MITF: variants seen among roughly 807,000 people sequenced by gnomAD.
MITF encodes the protein melanocyte inducing transcription factor.
A neutral mutation model predicts 60.5 loss-of-function variants in MITF; 17 were observed. The observed-to-expected ratio is 0.28, with a 90% confidence interval of 0.19 to 0.42. The LOEUF (loss-of-function observed/expected upper bound fraction) is 0.42, where lower values mean the gene tolerates loss of function less well. Ranked by LOEUF, MITF falls within the 10% of genes least tolerant of loss-of-function variation. The pLI is 1.00. For missense variants in MITF, 622 were observed against 683.5 expected (o/e 0.91, Z 1.00); for synonymous variants, 260 against 248.5 (o/e 1.05, Z -0.43).
At chr3:69,813,849 A>T (rs947895518) in intron 1 of MITF, among the ~76,000 whole-genome samples, 3 of 152,224 alleles carry the variant, frequency 2.0e-5, no homozygotes, top group African/African-American at 7.2e-5. Flanking sequence ...GGACTTAACT[A>T]GGCAATGAAA....
At chr3:69,872,282 T>C (rs758023148) in intron 1 of MITF, among the ~76,000 whole-genome samples, 2 of 152,098 alleles carry the variant, frequency 1.3e-5, no homozygotes, top group Non-Finnish European at 2.9e-5. Context: ...TTGATATTCC[T>C]CTTAGTTGGA....
At chr3:69,794,894 A>G (rs2062803453) in intron 1 of MITF, among the ~76,000 whole-genome samples, 1 of 152,248 alleles carries the variant, frequency 6.6e-6, no homozygotes, top group African/African-American at 2.4e-5. Flanking sequence ...TTTTAGTCTA[A>G]CAGTATAGCT....
intron 1 of MITF, among the ~76,000 whole-genome samples, chr3:69,863,777 G>C (rs1488579630): frequency 6.6e-6 from 1 of 152,084 alleles, no homozygotes; most frequent in East Asian, 1.9e-4. Context: ...GCCTGGGCTG[G>C]TCTTGAACTC....
chr3:69,753,376 C>T (rs1315174626), intron 1 of MITF, among the ~76,000 whole-genome samples: 2 of 152,224 alleles, frequency 1.3e-5, no homozygotes, highest in Non-Finnish European at 2.9e-5. Context: ...GGGCAGAGCC[C>T]TCATAAAGAA....
chr3:69,920,252 A>G (rs1307004352), intron 2 of MITF, among the ~76,000 whole-genome samples: 1 of 152,164 alleles, frequency 6.6e-6, no homozygotes, highest in East Asian at 1.9e-4. Flanking sequence ...CCCGTGGTCT[A>G]GCGGTAGCGG....
intron 2 of MITF, among the ~76,000 whole-genome samples, chr3:69,917,050 A>G (rs950020353): frequency 1.3e-5 from 2 of 152,210 alleles, no homozygotes; most frequent in African/African-American, 2.4e-5. Flanking sequence ...TTATATGTCC[A>G]GTGCATGATG....
At chr3:69,876,406 C>T (rs1350706095) in intron 1 of MITF, among the ~76,000 whole-genome samples, 3 of 150,170 alleles carry the variant, frequency 2.0e-5, no homozygotes, top group South Asian at 2.1e-4. Context: ...AATAACTGTT[C>T]CCCCCGCGCT....
rs10604038 is a variant in MITF at position 69,950,448 on chromosome 3, TTATATA to T, written c.880+1304_880+1309del. ...CAACTGAAAGAATTCAACTTCTGAG[TTATATA>T]TATATATATATATATATATATATGC... On this transcript the variant is annotated intron_variant, in intron 6 of 9. Transcript: ENST00000352241. 9.4e-3 allele frequency among the ~76,000 whole-genome samples: 1,234 copies of T among 130,768 alleles called. 7 individuals are homozygous for T. The highest frequency in any genetic ancestry group is 0.02 in the Middle Eastern group (5 of 246). The allele number at this position is 130,768 out of a possible 152,430, so 85.8% of individuals were successfully genotyped here.
intron 1 of MITF, among the ~76,000 whole-genome samples, chr3:69,843,305 C>T (rs1473637861): frequency 6.6e-6 from 1 of 152,126 alleles, no homozygotes; most frequent in African/African-American, 2.4e-5. Flanking sequence ...GAGAAATTTA[C>T]ATTTATCAAA....
intron 2 of MITF, among the ~76,000 whole-genome samples, chr3:69,928,567 A>G (rs1237750486): frequency 1.3e-5 from 2 of 152,210 alleles, no homozygotes; most frequent in Admixed American, 6.5e-5. Context: ...GGGAGAAGCT[A>G]CTTCTCAACT....
intron 8 of MITF, among the ~76,000 whole-genome samples, chr3:69,958,112 C>G (rs147973099): frequency 6.6e-6 from 1 of 152,316 alleles, no homozygotes; most frequent in African/African-American, 2.4e-5. Flanking sequence ...TTGATTGGAT[C>G]TCACAAGGAA....
At chr3:69,804,405 C>G (rs1454078319) in intron 1 of MITF, among the ~76,000 whole-genome samples, 2 of 151,956 alleles carry the variant, frequency 1.3e-5, no homozygotes, top group East Asian at 3.9e-4. Flanking sequence ...CCCTTTGCAC[C>G]CTTTCGGGGT....
intron 1 of MITF, among the ~76,000 whole-genome samples, chr3:69,814,198 C>G (rs2063144874): frequency 6.6e-6 from 1 of 152,012 alleles, no homozygotes; most frequent in South Asian, 2.1e-4. Flanking sequence ...ATAATCAATT[C>G]TCCATATACT....
chr3:69,845,893 G>T (rs1453218171), intron 1 of MITF, among the ~76,000 whole-genome samples: 1 of 152,178 alleles, frequency 6.6e-6, no homozygotes, highest in African/African-American at 2.4e-5. Flanking sequence ...ATGGCTCTGT[G>T]TGTGCATGTG....
At chr3:69,938,406 G>A (rs760788228) in intron 3 of MITF, 131 of 1,551,842 alleles carry the variant, frequency 8.4e-5, no homozygotes, top group Non-Finnish European at 1.1e-4. Context: ...AAAAGGAAAA[G>A]CAAAAATAGA....
chr3:69,847,467 C>A (rs1201160376), intron 1 of MITF, among the ~76,000 whole-genome samples: 1 of 152,150 alleles, frequency 6.6e-6, no homozygotes, highest in Non-Finnish European at 1.5e-5. Context: ...TAGTTATTAT[C>A]TTTACTTACA....
chr3:69,876,736 G>A (rs1463728696), intron 1 of MITF, among the ~76,000 whole-genome samples: 1 of 152,182 alleles, frequency 6.6e-6, no homozygotes, highest in Non-Finnish European at 1.5e-5. Flanking sequence ...GCACTTCCAA[G>A]TTTGCCAATG....
chr3:69,740,965 C>G (rs573318901), intron 1 of MITF, among the ~76,000 whole-genome samples: 1 of 152,296 alleles, frequency 6.6e-6, no homozygotes, highest in Admixed American at 6.5e-5. Context: ...AAAGTGCAGC[C>G]AGGTTTATTT....
At chr3:69,862,477 A>G (rs1468190977) in intron 1 of MITF, among the ~76,000 whole-genome samples, 1 of 152,238 alleles carries the variant, frequency 6.6e-6, no homozygotes, top group Non-Finnish European at 1.5e-5. Flanking sequence ...TATCAAAAGA[A>G]AGAATATAAG....
Sources: gnomAD v4.1 joint callset for allele counts (sites outside exome capture counted in the v4.1 genomes callset) on GRCh38, gnomAD v4.1.1 for gene constraint, MANE v1.5 for transcripts, NCBI Gene and HGNC (gene_info 2026-07-23, HGNC 2026-07-21) for gene names.